Variants in SCFD2 observed in about 807,000 individuals in gnomAD.
The protein encoded by SCFD2 is sec1 family domain containing 2.
In SCFD2, 54 loss-of-function variants were observed where a neutral mutation model predicts 58.9. The observed-to-expected ratio is 0.92, with a 90% confidence interval of 0.74 to 1.15. The LOEUF (loss-of-function observed/expected upper bound fraction) is 1.15. SCFD2 is among the 50% of genes most tolerant of loss of function. SCFD2 has a pLI of 0.00. For missense variants in SCFD2, 805 were observed against 836.6 expected, an observed-to-expected ratio of 0.96 and a Z score of 0.47; for synonymous variants, 321 against 335.9, an observed-to-expected ratio of 0.96 and a Z score of 0.49.
At chr4:53,047,159 A>C (rs773440049) in intron 5 of SCFD2, among the ~76,000 whole-genome samples, 3 of 152,202 alleles carry the variant, frequency 2.0e-5, no homozygotes, top group Non-Finnish European at 2.9e-5. Context: ...GTGAAATCCC[A>C]ATTCTCACTG....
intron 5 of SCFD2, among the ~76,000 whole-genome samples, chr4:53,067,463 C>G (rs1723694661): frequency 6.6e-6 from 1 of 152,022 alleles, no homozygotes; most frequent in Non-Finnish European, 1.5e-5. Flanking sequence ...TCTGTGTCCC[C>G]ACCCAAATCT....
At chr4:53,249,451 T>C (rs1274831794) in intron 4 of SCFD2, among the ~76,000 whole-genome samples, 4 of 151,962 alleles carry the variant, frequency 2.6e-5, no homozygotes, top group Admixed American at 1.3e-4. Flanking sequence ...AGAAAATACA[T>C]AGAACACCAC....
intron 5 of SCFD2, among the ~76,000 whole-genome samples, chr4:53,045,672 T>C (rs1379348843): frequency 6.6e-6 from 1 of 152,172 alleles, no homozygotes; most frequent in Non-Finnish European, 1.5e-5. Flanking sequence ...TTTGTGTGTG[T>C]GCTTAGCAAT....
intron 2 of SCFD2, among the ~76,000 whole-genome samples, chr4:53,345,548 A>C (rs1734030852): frequency 6.6e-6 from 1 of 152,230 alleles, no homozygotes; most frequent in Non-Finnish European, 1.5e-5. Flanking sequence ...GAGATTCCTC[A>C]AGGATCTAGG....
intron 8 of SCFD2, among the ~76,000 whole-genome samples, chr4:52,885,404 C>T (rs1012180326): frequency 5.3e-5 from 8 of 152,136 alleles, no homozygotes; most frequent in African/African-American, 1.7e-4. Flanking sequence ...TCCCTTCACC[C>T]CACCGGACTC....
At chr4:52,977,081 C>T (rs1021925274) in intron 5 of SCFD2, among the ~76,000 whole-genome samples, 1 of 152,036 alleles carries the variant, frequency 6.6e-6, no homozygotes, top group African/African-American at 2.4e-5. Flanking sequence ...TATTGTTACC[C>T]GTATCACTCT....
At chr4:52,895,259 G>A (rs1718977239) in intron 7 of SCFD2, among the ~76,000 whole-genome samples, 1 of 151,980 alleles carries the variant, frequency 6.6e-6, no homozygotes. Flanking sequence ...CCATGTGGGT[G>A]TGCTGCACCC....
intron 3 of SCFD2, among the ~76,000 whole-genome samples, chr4:53,311,435 T>A (rs571836317): frequency 4.6e-5 from 7 of 152,302 alleles, no homozygotes; most frequent in African/African-American, 1.7e-4. Flanking sequence ...GGATTACCTG[T>A]CCTTTTTAAA....
At chr4:53,187,210 C>A (rs373931924) in intron 4 of SCFD2, among the ~76,000 whole-genome samples, 2 of 151,920 alleles carry the variant, frequency 1.3e-5, no homozygotes, top group African/African-American at 4.8e-5. Context: ...AGAAAACACA[C>A]CTTATTTAAG....
intron 4 of SCFD2, among the ~76,000 whole-genome samples, chr4:53,257,214 T>C (rs992886818): frequency 2.0e-5 from 3 of 152,096 alleles, no homozygotes; most frequent in Non-Finnish European, 4.4e-5. Context: ...CTTGCTAATA[T>C]GGGGCTCCAG....
intron 5 of SCFD2, among the ~76,000 whole-genome samples, chr4:53,124,693 C>A (rs1455883069): frequency 1.3e-5 from 2 of 152,178 alleles, no homozygotes; most frequent in Non-Finnish European, 2.9e-5. Context: ...AGAACCAGGT[C>A]TAGACCCCAA....
intron 5 of SCFD2, among the ~76,000 whole-genome samples, chr4:53,113,824 A>G (rs1315219089): frequency 1.1e-5 from 1 of 94,126 alleles, no homozygotes; most frequent in Non-Finnish European, 2.7e-5. Context: ...GAAAGTGGTC[A>G]ATAACAATGA....
intron 5 of SCFD2, among the ~76,000 whole-genome samples, chr4:53,081,189 T>C (rs1275284292): frequency 6.6e-6 from 1 of 152,232 alleles, no homozygotes; most frequent in Non-Finnish European, 1.5e-5. Context: ...TGTTGTATAA[T>C]CTATCCTTTA....
At chr4:52,980,786 T>C (rs1000399064) in intron 5 of SCFD2, among the ~76,000 whole-genome samples, 11 of 152,200 alleles carry the variant, frequency 7.2e-5, no homozygotes, top group Admixed American at 5.9e-4. Context: ...GATCCCTCCA[T>C]GGTGACAGAA....
intron 3 of SCFD2, among the ~76,000 whole-genome samples, chr4:53,300,250 G>T (rs542858675): frequency 6.6e-6 from 1 of 152,196 alleles, no homozygotes; most frequent in East Asian, 1.9e-4. Flanking sequence ...AGGGATGGAG[G>T]AAGATCTACC....
chr4:53,334,241 C>T (rs1054645954), intron 2 of SCFD2, among the ~76,000 whole-genome samples: 14 of 151,784 alleles, frequency 9.2e-5, no homozygotes, highest in African/African-American at 3.4e-4. Flanking sequence ...CCCAGCCATC[C>T]CATTACTGGG....
At chr4:53,200,459 A>C (rs1362322824) in intron 4 of SCFD2, among the ~76,000 whole-genome samples, 1 of 152,130 alleles carries the variant, frequency 6.6e-6, no homozygotes, top group African/African-American at 2.4e-5. Flanking sequence ...CAAATGAAAA[A>C]AATTGCCATA....
At chr4:53,012,835 TG>T (rs386419924) in intron 5 of SCFD2, among the ~76,000 whole-genome samples, 1,202 of 31,102 alleles carry the variant, frequency 0.039, 5 homozygotes, top group Non-Finnish European at 0.049. Flanking sequence ...TGTGTGTGTG[TG>T]TTTTTTTTTA....
At chr4:53,209,321 TCTC>T (rs376378570) in intron 4 of SCFD2, among the ~76,000 whole-genome samples, 1 of 152,124 alleles carries the variant, frequency 6.6e-6, no homozygotes, top group Non-Finnish European at 1.5e-5. Flanking sequence ...CAGGAAAGCT[TCTC>T]CTTTGAGTAA....
Sources: allele counts gnomAD v4.1 joint callset (sites outside exome capture counted in the v4.1 genomes callset), GRCh38; gene constraint gnomAD v4.1.1; transcripts MANE v1.5; gene names NCBI Gene and HGNC (gene_info 2026-07-23, HGNC 2026-07-21).